The following TMCC3 variants were observed in gnomAD, a reference collection of about 807,000 sequenced individuals.
TMCC3 encodes transmembrane and coiled-coil domain family 3.
TMCC3 carries 28 observed loss-of-function variants against 40.2 expected under a neutral mutation model. That is an observed-to-expected ratio of 0.70 (90% CI 0.52 to 0.95). The LOEUF (loss-of-function observed/expected upper bound fraction) is 0.95, where lower values mean the gene tolerates loss of function less well. Ranked by LOEUF, TMCC3 falls within the 40% of genes least tolerant of loss-of-function variation. The pLI, the probability that TMCC3 is intolerant of heterozygous loss-of-function variation, is 0.00. For missense variants in TMCC3, 554 were observed against 615.2 expected (o/e 0.90, Z 1.05); for synonymous variants, 255 against 248.5 (o/e 1.03, Z -0.25).
intron 1 of TMCC3, among the ~76,000 whole-genome samples, chr12:94,613,151 G>A (rs565476653): frequency 6.6e-6 from 1 of 151,946 alleles, no homozygotes; most frequent in South Asian, 2.1e-4. Flanking sequence ...ACAGTGGAAT[G>A]AAATAAACCA....
In TMCC3 at chr12:94,600,932, C is replaced by T. The variant is rs532699152; in HGVS notation, c.79-18394G>A. On this transcript the variant is annotated intron_variant, in intron 1 of 3. Transcript: ENST00000261226. ...TCACTGAGCAGCAAATACCTATATA[C>T]GAACCCAATTTCTCTATGTCATAAC... Among the ~76,000 whole-genome samples the T allele has an allele frequency of 4.6e-5, 7 of 152,248 alleles. No homozygotes were observed. The South Asian group carries it at 8.3e-4, about 18-fold the overall frequency.
chr12:94,604,720 C>T (rs1594283529), intron 1 of TMCC3, among the ~76,000 whole-genome samples: 1 of 130,690 alleles, frequency 7.7e-6, no homozygotes, highest in East Asian at 2.4e-4. Flanking sequence ...GGGAGGATTT[C>T]TTGAGCCTAA....
chr12:94,574,901 G>A (rs947984484), intron 3 of TMCC3, among the ~76,000 whole-genome samples: 4 of 152,196 alleles, frequency 2.6e-5, no homozygotes, highest in African/African-American at 9.7e-5. Context: ...TCTTAGAATT[G>A]TCTTACAACT....
At chr12:94,625,297 T>C (rs569367907) in intron 1 of TMCC3, among the ~76,000 whole-genome samples, 4 of 151,828 alleles carry the variant, frequency 2.6e-5, no homozygotes, top group East Asian at 3.9e-4. Context: ...CTGACTTTAA[T>C]AGTAAATGGG....
intron 2 of TMCC3, among the ~76,000 whole-genome samples, chr12:94,581,216 G>A (rs929962032): frequency 1.4e-4 from 22 of 152,262 alleles, no homozygotes; most frequent in African/African-American, 5.3e-4. Context: ...AGGTAAAAGT[G>A]TACCATATTT....
rs1555283006 is a variant in TMCC3, at chr12:94,594,232, C to CAGAG, written c.79-11698_79-11695dup. 4.3e-3 allele frequency among the ~76,000 whole-genome samples: 640 copies of CAGAG among 147,918 alleles called. 15 individuals carry two copies. The highest frequency in any genetic ancestry group is 0.015 in the African/African-American group (585 of 38,126). ...ATATATATATACACACACACACACA[C>CAGAG]AGAGTGAGAGAGAGAGAGGTCTCTC... is the stretch of plus-strand genomic sequence containing the variant. On this transcript the variant is annotated intron_variant, in intron 1 of 3. Transcript: ENST00000261226.
rs539182250 is a variant in TMCC3, at chr12:94,643,769, G to T, written c.78+6584C>A. On this transcript the variant is annotated intron_variant, in intron 1 of 3. Transcript: ENST00000261226. ...CTTCCCCAGGCACCCAACTAGTTTA[G>T]AAAGACTGGGCTGCTCTCCAGTGTT... Among the ~76,000 whole-genome samples, 14 of 152,334 alleles carry T rather than the reference G, an allele frequency of 9.2e-5. No homozygotes were observed. In the South Asian group the frequency reaches 2.7e-3, roughly 29 times the overall value.
At chr12:94,595,391 G>A (rs183100452) in intron 1 of TMCC3, among the ~76,000 whole-genome samples, 75 of 152,224 alleles carry the variant, frequency 4.9e-4, no homozygotes, top group Non-Finnish European at 5.9e-5. Context: ...CATTCCTAGA[G>A]CATCCAGAGA....
intron 1 of TMCC3, among the ~76,000 whole-genome samples, chr12:94,629,022 A>G (rs1482956820): frequency 6.6e-6 from 1 of 152,174 alleles, no homozygotes; most frequent in Non-Finnish European, 1.5e-5. Context: ...TGCCATGACA[A>G]TTAACATTCC....
intron 1 of TMCC3, among the ~76,000 whole-genome samples, chr12:94,591,355 C>T (rs1032922025): frequency 6.6e-6 from 1 of 151,844 alleles, no homozygotes; most frequent in Non-Finnish European, 1.5e-5. Flanking sequence ...AGATGCAGAG[C>T]TCTTTTTCAG....
rs1566315215 is a variant in TMCC3, at chr12:94,581,657, ACCATATT to A, written c.953_959del (p.Glu318ValfsTer24). 1 of 1,602,874 alleles carries A rather than the reference ACCATATT, an allele frequency of 6.2e-7. No homozygotes were observed. The highest frequency in any genetic ancestry group is 8.5e-7 in the Non-Finnish European group (1 of 1,171,612). On this transcript the variant is annotated frameshift_variant, in exon 2 of 4. Coordinates refer to ENST00000261226, the MANE Select transcript of TMCC3 (RefSeq NM_020698.4). LOFTEE classifies it high-confidence loss of function. ...CCTCTTGCAGGGTCTGAGAAATAAA[ACCATATT>A]CTCTCTTAAACTGCACCTTCAGTGC...
At chr12:94,583,593 C>T (rs1232619429) in intron 1 of TMCC3, among the ~76,000 whole-genome samples, 2 of 152,190 alleles carry the variant, frequency 1.3e-5, no homozygotes, top group Non-Finnish European at 2.9e-5. Flanking sequence ...AAAAGAACTG[C>T]AACGCAGCAT....
At chr12:94,629,680 C>T (rs893658327) in intron 1 of TMCC3, among the ~76,000 whole-genome samples, 16 of 152,292 alleles carry the variant, frequency 1.1e-4, no homozygotes, top group Admixed American at 5.9e-4. Context: ...GGTATGAGCT[C>T]GGGACACCTA....
rs772870950 is a variant in TMCC3, at chr12:94,578,494, G to A, written c.1031C>T (p.Thr344Met). Residue 344 changes from threonine (T) to methionine (M), a missense_variant, in exon 3 of 4, where the codon ACG (threonine) becomes ATG (methionine). Thr to Met is a moderately conservative substitution (Grantham distance 81, BLOSUM62 -1). Transcript: ENST00000261226. ...GGCTGTCTCATGCTGATGCAGGTCCGTCAGGTCATGCAGCTGGTCCTCCAG... is the reference window on the plus strand; with the variant it reads ...GGCTGTCTCATGCTGATGCAGGTCCATCAGGTCATGCAGCTGGTCCTCCAG... ...ERLEDQLHDL[T>M]DLHQHETANL... 9 of 1,614,000 alleles carry A rather than the reference G, an allele frequency of 5.6e-6. 1 individual carries two copies. The highest frequency in any genetic ancestry group is 2.7e-5 in the African/African-American group (2 of 74,938).
intron 3 of TMCC3, among the ~76,000 whole-genome samples, chr12:94,577,249 C>T (rs764088602): frequency 1.3e-5 from 2 of 152,050 alleles, no homozygotes; most frequent in South Asian, 2.1e-4. Flanking sequence ...AGTGCAATGG[C>T]GCGATCTCGG....
At chr12:94,641,807 T>C (rs1022536020) in intron 1 of TMCC3, among the ~76,000 whole-genome samples, 73 of 152,230 alleles carry the variant, frequency 4.8e-4, no homozygotes, top group African/African-American at 1.7e-3. Flanking sequence ...GGCATACTTT[T>C]TTCCCCAATA....
chr12:94,579,111 T>C (rs1332626473), intron 2 of TMCC3, among the ~76,000 whole-genome samples: 2 of 152,210 alleles, frequency 1.3e-5, no homozygotes, highest in Non-Finnish European at 2.9e-5. Flanking sequence ...TTATAGATGG[T>C]TCATCATGCA....
chr12:94,608,765 C>T (rs2068798257), intron 1 of TMCC3, among the ~76,000 whole-genome samples: 1 of 152,202 alleles, frequency 6.6e-6, no homozygotes, highest in Non-Finnish European at 1.5e-5. Context: ...GTCATTTTAC[C>T]TAACTCACTT....
intron 1 of TMCC3, among the ~76,000 whole-genome samples, chr12:94,635,657 TG>T (rs1339113664): frequency 7.5e-6 from 1 of 133,552 alleles, no homozygotes. Flanking sequence ...TGTGTGTATG[TG>T]GGTTTTTTTT....
Sources: gnomAD v4.1 joint callset for allele counts (sites outside exome capture counted in the v4.1 genomes callset) on GRCh38, gnomAD v4.1.1 for gene constraint, MANE v1.5 for transcripts, NCBI Gene and HGNC (gene_info 2026-07-23, HGNC 2026-07-21) for gene names.